Variants in BCAS3 observed in about 807,000 individuals in gnomAD.
The protein encoded by BCAS3 is BCAS4/BCAS3 fusion.
Under a neutral mutation model 116.1 loss-of-function variants are expected in BCAS3, and 53 were observed. The observed-to-expected ratio is 0.46, with a 90% CI of 0.37 to 0.57. The LOEUF (loss-of-function observed/expected upper bound fraction) is 0.57. Among genes scored for constraint, BCAS3 ranks in the 20% least tolerant of loss-of-function variants. BCAS3 has a pLI of 0.00. For missense variants in BCAS3, 917 were observed against 1,165.4 expected (o/e 0.79, Z 3.10); for synonymous variants, 391 against 408.2 (o/e 0.96, Z 0.51).
chr17:61,322,135 T>C (rs1198863434), intron 22 of BCAS3, among the ~76,000 whole-genome samples: 1 of 152,118 alleles, frequency 6.6e-6, no homozygotes, highest in African/African-American at 2.4e-5. Flanking sequence ...GGTTTCTCCA[T>C]GTTGGTCAGG....
Position 61,392,171 on chromosome 17 carries a change from A to G in BCAS3, c.*46A>G, listed in dbSNP as rs770470416. 3.1e-6 allele frequency: 5 copies of G among 1,591,858 alleles called. No homozygotes were observed. In the South Asian group the frequency reaches 5.6e-5, roughly 18 times the overall value. ...ACTGGCCAGCCCCCTCCCCTGCTGGAGGAGGGGAGAAGCCCCGCTCTGGTC... is the reference window on the plus strand; with the variant it reads ...ACTGGCCAGCCCCCTCCCCTGCTGGGGGAGGGGAGAAGCCCCGCTCTGGTC... On this transcript the variant is annotated 3_prime_UTR_variant, in exon 24 of 24. Transcript: ENST00000407086. The surrounding 1 kb of genome is among the most constrained non-coding windows in gnomAD (Gnocchi z 6.4).
intron 13 of BCAS3, among the ~76,000 whole-genome samples, chr17:60,942,756 G>T (rs970380787): frequency 1.3e-5 from 2 of 152,124 alleles, no homozygotes; most frequent in South Asian, 2.1e-4. Context: ...TGACTATCTT[G>T]TCTTCCCACA....
intron 22 of BCAS3, among the ~76,000 whole-genome samples, chr17:61,202,983 C>G (rs936977874): frequency 6.6e-6 from 1 of 152,090 alleles, no homozygotes; most frequent in Admixed American, 6.6e-5. Context: ...AGTAGTCTTC[C>G]TCTGCTGTGA....
intron 13 of BCAS3, among the ~76,000 whole-genome samples, chr17:60,945,868 C>T (rs575045874): frequency 1.3e-5 from 2 of 152,044 alleles, no homozygotes; most frequent in East Asian, 3.9e-4. Flanking sequence ...TGCCTGTAAT[C>T]CCAGCACTTT....
chr17:61,155,093 A>T (rs1192545424), intron 22 of BCAS3, among the ~76,000 whole-genome samples: 2 of 152,228 alleles, frequency 1.3e-5, no homozygotes, highest in East Asian at 3.8e-4. Flanking sequence ...TGCCTGGGTC[A>T]CTTATGTGAT....
At chr17:61,335,598 A>C (rs2056657073) in intron 22 of BCAS3, among the ~76,000 whole-genome samples, 1 of 152,140 alleles carries the variant, frequency 6.6e-6, no homozygotes, top group Admixed American at 6.5e-5. Flanking sequence ...TTCTCTGAGA[A>C]ATGCTCTTCT....
At chr17:60,813,580 C>T (rs1342561220) in intron 7 of BCAS3, among the ~76,000 whole-genome samples, 1 of 152,160 alleles carries the variant, frequency 6.6e-6, no homozygotes, top group Non-Finnish European at 1.5e-5. Flanking sequence ...ATATTCACTA[C>T]AGATATTCAC....
chr17:61,031,219 G>T (rs1479920312), intron 16 of BCAS3, among the ~76,000 whole-genome samples: 1 of 151,966 alleles, frequency 6.6e-6, no homozygotes, highest in Non-Finnish European at 1.5e-5. Context: ...TTTCCTATGA[G>T]GGTTGGGTCA....
At chr17:61,043,660 G>A (rs1489123946) in intron 19 of BCAS3, among the ~76,000 whole-genome samples, 5 of 151,892 alleles carry the variant, frequency 3.3e-5, no homozygotes, top group African/African-American at 9.7e-5. Flanking sequence ...GAGTAAATAC[G>A]GGCCTGTGTG....
At chr17:60,841,196 G>C (rs191246439) in intron 7 of BCAS3, among the ~76,000 whole-genome samples, 22 of 152,176 alleles carry the variant, frequency 1.4e-4, no homozygotes, top group Middle Eastern at 3.4e-3. Flanking sequence ...TCATTTTGAA[G>C]TAGTATAATG....
intron 13 of BCAS3, among the ~76,000 whole-genome samples, chr17:60,925,084 C>T (rs1241469387): frequency 1.3e-5 from 2 of 151,402 alleles, no homozygotes; most frequent in African/African-American, 2.4e-5. Flanking sequence ...TTTTATTTTA[C>T]TATTTTTTTA....
intron 16 of BCAS3, among the ~76,000 whole-genome samples, chr17:61,033,659 T>C (rs750729874): frequency 2.0e-5 from 3 of 152,286 alleles, no homozygotes; most frequent in South Asian, 4.1e-4. Context: ...ACATCAGAGC[T>C]CTAGTTTTTA....
At chr17:60,812,653 G>C (rs2048943966) in intron 7 of BCAS3, among the ~76,000 whole-genome samples, 1 of 152,160 alleles carries the variant, frequency 6.6e-6, no homozygotes, top group Non-Finnish European at 1.5e-5. Context: ...GAACTTGAGT[G>C]CTATCAACAA....
chr17:60,846,489 G>GT (rs913613762), intron 7 of BCAS3, among the ~76,000 whole-genome samples: 2 of 152,076 alleles, frequency 1.3e-5, no homozygotes, highest in Non-Finnish European at 2.9e-5. Context: ...GTTCTATATG[G>GT]TTTTTTTGTC....
rs139886514 is a variant in BCAS3, at chr17:60,799,685, C to T, written c.404-8319C>T. On this transcript the variant is annotated intron_variant, in intron 6 of 23. Coordinates refer to ENST00000407086, the MANE Select transcript of BCAS3 (RefSeq NM_017679.5). ...CTGGAATTACAGGTGCGCGCCACTA[C>T]GCCTGGCTAATTTTTTTCTTTTCTT... Among the ~76,000 whole-genome samples, 208 of 144,310 alleles carry T rather than the reference C, an allele frequency of 1.4e-3. 2 individuals are homozygous for T. Among genetic ancestry groups the T allele is most frequent in the African/African-American group, 5.2e-3 (202 of 38,716 alleles). The allele number at this position is 144,310 out of a possible 152,430, so 94.7% of individuals were successfully genotyped here.
intron 19 of BCAS3, among the ~76,000 whole-genome samples, chr17:61,045,608 G>C (rs947542805): frequency 6.7e-6 from 1 of 149,724 alleles, no homozygotes; most frequent in Admixed American, 6.7e-5. Context: ...TTGAAGCCAG[G>C]AGTTTGATAT....
At position 61,344,627 on chromosome 17, in the gene BCAS3, C is replaced by T. The variant is rs2057388615; in HGVS notation, c.2426-23700C>T. On this transcript the variant is annotated intron_variant, in intron 22 of 23. Transcript: ENST00000407086. The surrounding 1 kb of genome is among the most constrained non-coding windows in gnomAD (Gnocchi z 4.1). The stretch of plus-strand genomic sequence containing the variant: ...GCAGGTTCAGGGCACCTGACCTAAC[C>T]TAGGAGAGGATCAGAAAAGGCTTCC... 6.6e-6 allele frequency among the ~76,000 whole-genome samples: 1 copy of T among 152,108 alleles called. No homozygotes were observed. The highest frequency in any genetic ancestry group is 6.5e-5 in the Admixed American group (1 of 15,276).
chr17:61,342,751 CTTTT>C (rs113701578), intron 22 of BCAS3, among the ~76,000 whole-genome samples: 1 of 137,032 alleles, frequency 7.3e-6, no homozygotes, highest in African/African-American at 2.7e-5. Flanking sequence ...ATTTTCTTTT[CTTTT>C]TTTTTTTTTT....
At chr17:60,751,616 C>T (rs1199661228) in intron 6 of BCAS3, among the ~76,000 whole-genome samples, 1 of 150,902 alleles carries the variant, frequency 6.6e-6, no homozygotes, top group Non-Finnish European at 1.5e-5. Flanking sequence ...AATCTAGGCT[C>T]ACCACAACCT....
Sources: allele counts gnomAD v4.1 joint callset (sites outside exome capture counted in the v4.1 genomes callset), GRCh38; gene constraint gnomAD v4.1.1; non-coding constraint Gnocchi (gnomAD v3.1); transcripts MANE v1.5; gene names NCBI Gene and HGNC (gene_info 2026-07-23, HGNC 2026-07-21).